Variants in NSD1 observed in about 807,000 individuals in gnomAD.
The protein encoded by NSD1 is histone-lysine N-methyltransferase, H3 lysine-36 specific.
Under a neutral mutation model 242.7 loss-of-function variants are expected in NSD1, and 26 were observed. The observed-to-expected ratio is 0.11, with a 90% CI of 0.08 to 0.15. The LOEUF is 0.15. Among genes scored for constraint, NSD1 ranks in the 10% least tolerant of loss-of-function variants. NSD1 has a pLI of 1.00. For missense variants in NSD1, 2,495 were observed against 3,272.8 expected, an observed-to-expected ratio of 0.76 and a Z score of 5.80; for synonymous variants, 1,106 against 1,178.1, an observed-to-expected ratio of 0.94 and a Z score of 1.25.
In NSD1 at chr5:177,134,932, C is replaced by T. The variant is rs1174379411; in HGVS notation, c.-17-155C>T. Among the ~76,000 whole-genome samples, 1 of 152,118 alleles carries T rather than the reference C, an allele frequency of 6.6e-6. No individual in the cohort carries two copies. The highest frequency in any genetic ancestry group is 1.5e-5 in the Non-Finnish European group (1 of 68,030). ...TGGAGTTTTCAGAGGCTCATCGAGG[C>T]CATTTTTTCATCTCCAGTCGGGGGA... is the stretch of plus-strand genomic sequence containing the variant. On this transcript the variant is annotated intron_variant, in intron 1 of 22. Transcript: ENST00000439151. The surrounding 1 kb of genome is among the most constrained non-coding windows in gnomAD (Gnocchi z 4.2).
chr5:177,259,930 T>C, intron 13 of NSD1, 59 bp from the exon 14 acceptor site: 1 of 1,579,984 alleles, frequency 6.3e-7, no homozygotes. Flanking sequence ...TAACTCACAT[T>C]CTTTTTATAT....
At chr5:177,216,086 C>G (rs1033466689) in intron 5 of NSD1, among the ~76,000 whole-genome samples, 1 of 152,160 alleles carries the variant, frequency 6.6e-6, no homozygotes, top group Non-Finnish European at 1.5e-5. Flanking sequence ...TGGTCTTCAA[C>G]TACTGGGCTC....
chr5:177,256,399 C>G (rs746880584), intron 12 of NSD1, among the ~76,000 whole-genome samples: 1 of 151,716 alleles, frequency 6.6e-6, no homozygotes, highest in Non-Finnish European at 1.5e-5. Flanking sequence ...CCTCCTGCCT[C>G]AGCCTCTTGA....
At position 177,217,729 on chromosome 5, in the gene NSD1, G is replaced by A. The variant is rs368754926; in HGVS notation, c.3796+5534G>A. Among the ~76,000 whole-genome samples, 20 of 147,046 alleles carry A rather than the reference G, an allele frequency of 1.4e-4. 1 individual carries two copies. Among genetic ancestry groups the A allele is most frequent in the South Asian group, 1.3e-3 (6 of 4,600 alleles). ...GGTGTCCATGATGGAGTGCAGTGGC[G>A]CGATCTCGGCTCACTGCAACCTCCA... On this transcript the variant is annotated intron_variant, in intron 5 of 22. Coordinates refer to ENST00000439151, the MANE Select transcript of NSD1 (RefSeq NM_022455.5).
chr5:177,291,480 C>G (rs1759820385), intron 21 of NSD1, among the ~76,000 whole-genome samples: 1 of 152,072 alleles, frequency 6.6e-6, no homozygotes, highest in East Asian at 1.9e-4. Context: ...TGCTGAAAAC[C>G]CGTCTCTACT....
At chr5:177,181,012 A>G (rs1167895459) in intron 2 of NSD1, among the ~76,000 whole-genome samples, 1 of 148,052 alleles carries the variant, frequency 6.8e-6, no homozygotes, top group East Asian at 2.0e-4. Context: ...GAAGAGTTGC[A>G]TTTTGTAGAT....
intron 5 of NSD1, among the ~76,000 whole-genome samples, chr5:177,228,026 A>T (rs1764768057): frequency 1.3e-5 from 2 of 150,736 alleles, no homozygotes; most frequent in Admixed American, 1.3e-4. Flanking sequence ...CTCAGGCTGC[A>T]TTGCGCTGTA....
At chr5:177,224,983 T>C (rs1764525475) in intron 5 of NSD1, among the ~76,000 whole-genome samples, 1 of 152,116 alleles carries the variant, frequency 6.6e-6, no homozygotes, top group African/African-American at 2.4e-5. Flanking sequence ...GAACCAACTT[T>C]GAAGTCCTGG....
intron 4 of NSD1, among the ~76,000 whole-genome samples, chr5:177,206,354 G>T (rs1249176778): frequency 6.6e-6 from 1 of 152,064 alleles, no homozygotes; most frequent in Non-Finnish European, 1.5e-5. Context: ...ATGTTGCCCA[G>T]GCTGGTCTTG....
intron 18 of NSD1, 92 bp downstream of exon 18, chr5:177,280,926 AAAT>A (rs781356968): frequency 8.0e-5 from 108 of 1,354,574 alleles, no homozygotes; most frequent in Non-Finnish European, 1.1e-4. Flanking sequence ...TCATAGAAGA[AAAT>A]AACACAGTTA....
Position 177,294,087 on chromosome 5 carries a change from C to T in NSD1, c.6719C>T (p.Ser2240Leu), listed in dbSNP as rs1760076639. 6.2e-7 allele frequency: 1 copy of T among 1,614,092 alleles called. No individual in the cohort carries two copies. The highest frequency in any genetic ancestry group is 2.2e-5 in the East Asian group (1 of 44,882). ...PGPSTHLAEQ[S>L]TGMAAQAPKM... ...CCAAGCACTCACCTGGCAGAGCAATCAACAGGAATGGCTGCTCAGGCACCC... is the reference window on the plus strand; with the variant it reads ...CCAAGCACTCACCTGGCAGAGCAATTAACAGGAATGGCTGCTCAGGCACCC... The change falls in exon 23 of 23, where the codon TCA becomes TTA. Residue 2240 changes from serine (S) to leucine (L), a missense_variant. Coordinates refer to ENST00000439151, the MANE Select transcript of NSD1 (RefSeq NM_022455.5).
At chr5:177,290,392 A>C (rs893341485) in intron 21 of NSD1, among the ~76,000 whole-genome samples, 6 of 150,432 alleles carry the variant, frequency 4.0e-5, no homozygotes, top group Non-Finnish European at 8.8e-5. Flanking sequence ...GAAGCCAATA[A>C]GAAAAGAGTA....
At chr5:177,155,553 C>T (rs959479435) in intron 2 of NSD1, among the ~76,000 whole-genome samples, 4 of 144,276 alleles carry the variant, frequency 2.8e-5, no homozygotes, top group Non-Finnish European at 6.0e-5. Context: ...CATAAGCCAC[C>T]GCACTGGCTT....
At chr5:177,194,379 C>T (rs1187701929) in intron 3 of NSD1, among the ~76,000 whole-genome samples, 1 of 151,438 alleles carries the variant, frequency 6.6e-6, no homozygotes, top group Non-Finnish European at 1.5e-5. Flanking sequence ...CCAACCTCAG[C>T]ATCCTGAATA....
chr5:177,274,982 C>G (rs1201851943), intron 17 of NSD1, among the ~76,000 whole-genome samples: 3 of 151,976 alleles, frequency 2.0e-5, no homozygotes, highest in Non-Finnish European at 2.9e-5. Context: ...GATTCACCCG[C>G]CACAGCCTCC....
intron 14 of NSD1, chr5:177,265,679 A>G (rs1757372669): frequency 6.2e-7 from 1 of 1,609,650 alleles, no homozygotes; most frequent in East Asian, 2.2e-5. Context: ...CCGCATGCCG[A>G]TGGTGCCGAA....
At chr5:177,209,199 C>T (rs1194367859) in intron 4 of NSD1, among the ~76,000 whole-genome samples, 1 of 151,844 alleles carries the variant, frequency 6.6e-6, no homozygotes, top group Non-Finnish European at 1.5e-5. Flanking sequence ...CTGGCTGGTT[C>T]CATAAAAGCA....
intron 2 of NSD1, among the ~76,000 whole-genome samples, chr5:177,189,036 C>T (rs1022150989): frequency 2.0e-5 from 3 of 152,008 alleles, no homozygotes; most frequent in Non-Finnish European, 2.9e-5. Context: ...GAGTGAGAAC[C>T]TGTCTCAAAA....
At position 177,297,650 on chromosome 5, in the gene NSD1, CTG is replaced by C. The variant is rs1181141035; in HGVS notation, c.*2194_*2195del. ...GTAGCTCTTTGTTTCATGAAATAAA[CTG>C]TGAATTTGGGGGGGGCGGGGGGAGG... is the stretch of plus-strand genomic sequence containing the variant. On this transcript the variant is annotated 3_prime_UTR_variant, in exon 23 of 23. Coordinates refer to ENST00000439151, the MANE Select transcript of NSD1 (RefSeq NM_022455.5). 3.5e-5 allele frequency: 6 copies of C among 169,068 alleles called. No homozygotes were observed. Among genetic ancestry groups the C allele is most frequent in the East Asian group, 7.2e-5 (1 of 13,936 alleles). 10.5% of individuals were successfully genotyped at this position (169,068 alleles called of 1,614,324 possible).
Sources: allele counts gnomAD v4.1 joint callset (sites outside exome capture counted in the v4.1 genomes callset), GRCh38; gene constraint gnomAD v4.1.1; non-coding constraint Gnocchi (gnomAD v3.1); transcripts MANE v1.5; gene names NCBI Gene and HGNC (gene_info 2026-07-23, HGNC 2026-07-21).